The following CEACAM21 variants were observed in gnomAD, a reference collection of about 807,000 sequenced individuals.
The protein encoded by CEACAM21 is cell adhesion molecule CEACAM21.
A neutral mutation model predicts 33.2 loss-of-function variants in CEACAM21; 38 were observed. The ratio of observed to expected loss-of-function variants is 1.14; its 90% confidence interval spans 0.88 to 1.50. The LOEUF (loss-of-function observed/expected upper bound fraction) is 1.50. Among genes scored for constraint, CEACAM21 ranks in the 40% most tolerant of loss-of-function variants. The pLI is 0.00. For missense variants in CEACAM21, 385 were observed against 364.6 expected, an observed-to-expected ratio of 1.06 and a Z score of -0.46; for synonymous variants, 156 against 143.0, an observed-to-expected ratio of 1.09 and a Z score of -0.65.
chr19:41,561,215 C>A (rs1292967130), intron 1 of CEACAM21, among the ~76,000 whole-genome samples: 1 of 152,158 alleles, frequency 6.6e-6, no homozygotes, highest in Non-Finnish European at 1.5e-5. Flanking sequence ...GTTGCCCAGG[C>A]TGGTCTTGAA....
intron 2 of CEACAM21, among the ~76,000 whole-genome samples, chr19:41,568,501 A>C: frequency 6.6e-6 from 1 of 152,216 alleles, no homozygotes; most frequent in East Asian, 1.9e-4. Context: ...ATTCTTCTGC[A>C]TATGAATATC....
At chr19:41,586,334 C>T in intron 6 of CEACAM21, 130 bp from the exon 7 acceptor site, 1 of 592,950 alleles carries the variant, frequency 1.7e-6, no homozygotes. Flanking sequence ...GAGGGAGGGG[C>T]CTGGGAGCAG....
At chr19:41,554,129 T>C (rs1172890736) in intron 1 of CEACAM21, among the ~76,000 whole-genome samples, 2 of 152,044 alleles carry the variant, frequency 1.3e-5, no homozygotes, top group Non-Finnish European at 2.9e-5. Context: ...CAGCCTCCTA[T>C]TAGTTCACTT....
chr19:41,574,334 AAAATAGATAAGTGAACTTCATC>A (rs1315886482), upstream of CEACAM21, among the ~76,000 whole-genome samples: 4 of 152,384 alleles, frequency 2.6e-5, no homozygotes, highest in African/African-American at 9.6e-5. Context: ...AACAAAATTA[AAAATAGATAAGTGAACTTCATC>A]AAAGTTAAAA....
intron 3 of CEACAM21, among the ~76,000 whole-genome samples, chr19:41,584,011 T>A (rs2070516736): frequency 6.6e-6 from 1 of 152,064 alleles, no homozygotes; most frequent in Non-Finnish European, 1.5e-5. Flanking sequence ...AGCAAGGGCC[T>A]GCCCTTTACG....
At position 41,579,591 on chromosome 19, in the gene CEACAM21, C is replaced by T. The variant is rs782805750; in HGVS notation, c.663C>T (p.Ser221=). The change falls in exon 3 of 7, where the codon AGC becomes AGT. Residue 221 remains serine (S), a synonymous_variant. Coordinates refer to ENST00000401445, the MANE Select transcript of CEACAM21 (RefSeq NM_001098506.4). ...EYQCEVSNPV[S]SNRSDPLKLT... The stretch of plus-strand genomic sequence containing the variant: ...AGTGTGAGGTCTCCAACCCAGTCAG[C>T]TCCAACAGGAGCGACCCCCTCAAGC... 30 of 1,585,020 alleles carry T rather than the reference C, an allele frequency of 1.9e-5. No individual in the cohort carries two copies. Among genetic ancestry groups the T allele is most frequent in the African/African-American group, 1.5e-4 (11 of 74,218 alleles).
rs1368454185 is a variant in CEACAM21, at chr19:41,576,353, C to T, written c.64+15C>T. On this transcript the variant is annotated intron_variant, in intron 1 of 6. Transcript: ENST00000401445. ...CTTGCTCACAGGTGAGGGGAGGACT[C>T]CCTGGGAGTGGGTGGGAGGAGGGAG... The T allele has an allele frequency of 6.2e-7, 1 of 1,602,144 alleles. No individual in the cohort carries two copies. The highest frequency in any genetic ancestry group is 8.5e-7 in the Non-Finnish European group (1 of 1,174,344).
rs1555792419 is a variant in CEACAM21, at chr19:41,579,365, A to T, written c.437A>T (p.Gln146Leu). Reference sequence around the variant, plus strand: ...ACTCTATCCACAGAGTCAGTGGCTCAGCCCTCCATCCAAGCCAGCAGCACC... The same window carrying T: ...ACTCTATCCACAGAGTCAGTGGCTCTGCCCTCCATCCAAGCCAGCAGCACC... ...HHLRVYESVAQPSIQASSTTV... is the reference protein window; with the variant it reads ...HHLRVYESVALPSIQASSTTV... The change falls in exon 3 of 7, where the codon CAG becomes CTG. Residue 146 changes from glutamine to leucine, a missense_variant. Gln to Leu is a moderately radical substitution (Grantham distance 113). Transcript: ENST00000401445. 6.2e-7 allele frequency: 1 copy of T among 1,613,966 alleles called. No individual in the cohort carries two copies. Among genetic ancestry groups the T allele is most frequent in the Admixed American group, 1.7e-5 (1 of 60,012 alleles).
At chr19:41,555,937 C>T (rs2317314) in intron 1 of CEACAM21, among the ~76,000 whole-genome samples, 86,901 of 152,070 alleles carry the variant, frequency 0.57, 24,850 homozygotes, top group African/African-American at 0.6. Context: ...TCACAAAGGA[C>T]GTGTCTCTCA....
chr19:41,577,613 C>G, intron 2 of CEACAM21, 54 bp downstream of exon 2: 1 of 1,602,206 alleles, frequency 6.2e-7, no homozygotes, highest in Non-Finnish European at 8.5e-7. Flanking sequence ...GCTTCACATA[C>G]GCAGGATTGT....
chr19:41,586,432 C>T (rs1555795501), intron 6 of CEACAM21, 32 bp from the exon 7 acceptor site: 2 of 630,896 alleles, frequency 3.2e-6, no homozygotes, highest in Non-Finnish European at 6.1e-6. Context: ...GAGAAGGCCT[C>T]AGGGGTCAAG....
At chr19:41,574,623 A>G (rs1555790402), upstream of CEACAM21, among the ~76,000 whole-genome samples, 1 of 152,246 alleles carries the variant, frequency 6.6e-6, no homozygotes, top group Admixed American at 6.5e-5. Context: ...AATGAAAATC[A>G]AAACTGCAAT....
chr19:41,558,221 T>C (rs1365299532), intron 1 of CEACAM21, among the ~76,000 whole-genome samples: 2 of 152,226 alleles, frequency 1.3e-5, no homozygotes, highest in Non-Finnish European at 2.9e-5. Context: ...CTACATAGCA[T>C]TTAAAATTTC....
chr19:41,556,764 C>A (rs1201139921), intron 1 of CEACAM21, among the ~76,000 whole-genome samples: 1 of 152,132 alleles, frequency 6.6e-6, no homozygotes, highest in Non-Finnish European at 1.5e-5. Flanking sequence ...ATTGTGAATC[C>A]CACAGAATAT....
At chr19:41,573,303 G>A (rs557132832), upstream of CEACAM21, among the ~76,000 whole-genome samples, 12 of 152,290 alleles carry the variant, frequency 7.9e-5, no homozygotes, top group East Asian at 2.3e-3. Flanking sequence ...AATACTCGGG[G>A]CCTCTTACCT....
At chr19:41,570,690 A>G (rs1252634734) in intron 2 of CEACAM21, among the ~76,000 whole-genome samples, 1 of 152,150 alleles carries the variant, frequency 6.6e-6, no homozygotes, top group Non-Finnish European at 1.5e-5. Flanking sequence ...TCTGTCCAGG[A>G]GCTGCTCCCT....
chr19:41,562,426 G>T (rs1353412513), intron 1 of CEACAM21, among the ~76,000 whole-genome samples: 1 of 151,960 alleles, frequency 6.6e-6, no homozygotes, highest in Admixed American at 6.5e-5. Context: ...AAAGACACAC[G>T]ACACAATAGA....
In CEACAM21 at chr19:41,552,879, T is replaced by A. The variant is rs142316170; in HGVS notation, c.-779+3327T>A. On this transcript the variant is annotated intron_variant, in intron 1 of 7. Coordinates refer to the CEACAM21 transcript ENST00000407170. Reference sequence around the variant, plus strand: ...AAGTTTCGGTTGTCTAGTCTTCAGTTCACAGGGCTTTAAGAAAGCACAGCT... The same window carrying A: ...AAGTTTCGGTTGTCTAGTCTTCAGTACACAGGGCTTTAAGAAAGCACAGCT... Among the ~76,000 whole-genome samples, 19 of 152,300 alleles carry A rather than the reference T, an allele frequency of 1.2e-4. 1 individual carries two copies. The East Asian group carries it at 3.5e-3, about 28-fold the overall frequency.
At chr19:41,578,512 G>A (rs550290667) in intron 2 of CEACAM21, among the ~76,000 whole-genome samples, 71 of 152,228 alleles carry the variant, frequency 4.7e-4, no homozygotes, top group African/African-American at 1.5e-3. Flanking sequence ...TCACACCACC[G>A]TGTGTCTGCA....
Sources: allele counts gnomAD v4.1 joint callset (sites outside exome capture counted in the v4.1 genomes callset), GRCh38; gene constraint gnomAD v4.1.1; transcripts MANE v1.5; gene names NCBI Gene and HGNC (gene_info 2026-07-23, HGNC 2026-07-21).